Variants in PTP4A1 observed in about 807,000 individuals in gnomAD.
PTP4A1 encodes protein tyrosine phosphatase type IVA 1.
PTP4A1 carries 9 observed loss-of-function variants against 20.5 expected under a neutral mutation model. The observed-to-expected ratio is 0.44, with a 90% CI of 0.26 to 0.77. The LOEUF (loss-of-function observed/expected upper bound fraction) is 0.77, where lower values mean the gene tolerates loss of function less well. Ranked by LOEUF, PTP4A1 falls within the 30% of genes least tolerant of loss-of-function variation. PTP4A1 has a pLI of 0.19. For missense variants in PTP4A1, 137 were observed against 218.8 expected, an observed-to-expected ratio of 0.63 and a Z score of 2.36; for synonymous variants, 78 against 67.4, an observed-to-expected ratio of 1.16 and a Z score of -0.77.
chr6:63,572,545 G>T lies in PTP4A1; in HGVS notation c.-620G>T, dbSNP rs535635354. ...TCGGCTACGCGCTCTGCTCCGAGCC[G>T]CTCACTGCATGGTAGAGTCTGGTGC... On this transcript the variant is annotated 5_prime_UTR_variant, in exon 1 of 6. Transcript: ENST00000626021. The T allele has an allele frequency of 1.4e-3, 566 of 396,348 alleles. 4 individuals carry two copies. The Middle Eastern group carries it at 0.016, about 11-fold the overall frequency. The allele number at this position is 396,348 out of a possible 1,614,324, so 24.6% of individuals were successfully genotyped here.
intron 5 of PTP4A1, 113 bp downstream of exon 5, chr6:63,579,444 T>A: frequency 1.4e-6 from 1 of 714,468 alleles, no homozygotes; most frequent in Non-Finnish European, 2.1e-6. Flanking sequence ...TTTGAGATAG[T>A]ATTAAAACCA....
Position 63,580,144 on chromosome 6 carries a change from C to T in PTP4A1, c.492C>T (p.Asn164=), listed in dbSNP as rs141880918. Residue 164 remains asparagine (N), a synonymous_variant, in exon 6 of 6, where the codon AAC becomes AAT. Transcript: ENST00000626021. ...TGCGGCTGCGTTTCAAAGATTCCAA[C>T]GGTCATAGAAACAACTGTTGCATTC... ...PKMRLRFKDS[N]GHRNNCCIQ is the part of the protein sequence containing the mutation. 3.0e-5 allele frequency: 48 copies of T among 1,612,320 alleles called. No individual in the cohort carries two copies. Among genetic ancestry groups the T allele is most frequent in the Admixed American group, 1.7e-4 (10 of 59,948 alleles).
At chr6:63,531,421 A>G in intron 2 of PTP4A1, among the ~76,000 whole-genome samples, 1 of 152,038 alleles carries the variant, frequency 6.6e-6, no homozygotes, top group East Asian at 1.9e-4. Flanking sequence ...ACAAATTATA[A>G]TTTTTAATGC....
upstream of PTP4A1, among the ~76,000 whole-genome samples, chr6:63,517,473 A>C (rs1774769928): frequency 6.6e-6 from 1 of 152,234 alleles, no homozygotes; most frequent in South Asian, 2.1e-4. Context: ...GTATGCACAC[A>C]TGATGCCCCG....
chr6:63,580,294 C>A lies in PTP4A1; in HGVS notation c.*120C>A. ...AAGCTTCCATAGGAGTATTGAAAGGCAGTTTTACCAGGCCTCAAGCTAGAC... is the reference window on the plus strand; with the variant it reads ...AAGCTTCCATAGGAGTATTGAAAGGAAGTTTTACCAGGCCTCAAGCTAGAC... On this transcript the variant is annotated 3_prime_UTR_variant, in exon 6 of 6. Transcript: ENST00000626021. The A allele has an allele frequency of 1.3e-6, 1 of 778,414 alleles. No individual in the cohort carries two copies. 48.2% of individuals were successfully genotyped at this position (778,414 alleles called of 1,614,324 possible).
chr6:63,531,896 G>A (rs1348810238), intron 2 of PTP4A1, among the ~76,000 whole-genome samples: 1 of 151,734 alleles, frequency 6.6e-6, no homozygotes, highest in Admixed American at 6.6e-5. Flanking sequence ...TTGCCTCCCG[G>A]GTTCAAGCAA....
rs1413357202 is a variant in PTP4A1 at position 63,580,878 on chromosome 6, ATTAAT to A, written c.*710_*714del. The A allele has an allele frequency of 6.6e-6, 1 of 152,614 alleles. No individual in the cohort carries two copies. Among genetic ancestry groups the A allele is most frequent in the Admixed American group, 6.5e-5 (1 of 15,268 alleles). The allele number at this position is 152,614 out of a possible 1,614,324, so 9.5% of individuals were successfully genotyped here. On this transcript the variant is annotated 3_prime_UTR_variant, in exon 6 of 6. Coordinates refer to ENST00000626021, the MANE Select transcript of PTP4A1 (RefSeq NM_003463.5). ...ATGTCTTCAGACAAAAAAGCCTTAC[ATTAAT>A]TTAATGTTTGCACTCTGAGGTGCAA...
chr6:63,577,162 G>A (rs1229831759), intron 2 of PTP4A1, among the ~76,000 whole-genome samples, 177 bp downstream of exon 2: 1 of 152,190 alleles, frequency 6.6e-6, no homozygotes, highest in African/African-American at 2.4e-5. Flanking sequence ...ATTTTGAGAA[G>A]GGCATGTGCT....
intron 2 of PTP4A1, among the ~76,000 whole-genome samples, chr6:63,539,484 T>C (rs970109280): frequency 6.6e-6 from 1 of 151,906 alleles, no homozygotes; most frequent in African/African-American, 2.4e-5. Flanking sequence ...TAAAAGAAAA[T>C]AGGCAAAGGA....
rs72880871 is a variant in PTP4A1 at position 63,528,404 on chromosome 6, T to C, written c.-640+320T>C. ...TGAGCCCAGCAATTAGAAATCAGCC[T>C]GGGAGACACAGTGAATCTCTGTCTT... On this transcript the variant is annotated intron_variant, in intron 2 of 3. Coordinates refer to the PTP4A1 transcript ENST00000639568. 9.6e-3 allele frequency among the ~76,000 whole-genome samples: 1,435 copies of C among 149,492 alleles called. 16 individuals are homozygous for C. The highest frequency in any genetic ancestry group is 0.025 in the African/African-American group (1,038 of 40,772).
At chr6:63,520,407 A>C (rs1441572927), upstream of PTP4A1, among the ~76,000 whole-genome samples, 1 of 152,126 alleles carries the variant, frequency 6.6e-6, no homozygotes, top group Non-Finnish European at 1.5e-5. Flanking sequence ...CGGGCGGATC[A>C]CTTGAGGCCA....
At chr6:63,521,864 C>T (rs1774937657) in intron 1 of PTP4A1, 1 of 152,270 alleles carries the variant, frequency 6.6e-6, no homozygotes, top group Admixed American at 6.5e-5. Context: ...TTTTATGGAA[C>T]ACCTAGGGAC....
chr6:63,539,308 T>C (rs66500769), intron 2 of PTP4A1, among the ~76,000 whole-genome samples: 13,197 of 152,234 alleles, frequency 0.087, 611 homozygotes, highest in East Asian at 0.16. Context: ...GTATACTTGA[T>C]CTACCACCTA....
chr6:63,525,540 C>T (rs1489966634), intron 1 of PTP4A1, among the ~76,000 whole-genome samples: 1 of 152,212 alleles, frequency 6.6e-6, no homozygotes, highest in African/African-American at 2.4e-5. Flanking sequence ...TCATGCCACT[C>T]TCTCAGAGCA....
chr6:63,526,833 ATATTTATT>A (rs1287951488), intron 1 of PTP4A1, among the ~76,000 whole-genome samples: 20 of 128,000 alleles, frequency 1.6e-4, no homozygotes, highest in Middle Eastern at 4.0e-3. Flanking sequence ...ATATATATAT[ATATTTATT>A]TATTTATTCT....
At chr6:63,569,577 A>C (rs1204033770), upstream of PTP4A1, among the ~76,000 whole-genome samples, 2 of 152,178 alleles carry the variant, frequency 1.3e-5, no homozygotes, top group Non-Finnish European at 2.9e-5. Context: ...CAACTTCCTT[A>C]TAATATTCTT....
rs149536806 is a variant in PTP4A1 at position 63,554,550 on chromosome 6, C to A, written c.-446+4057C>A. On this transcript the variant is annotated intron_variant, in intron 3 of 3. Transcript: ENST00000639568. ...CGGTGGCTCACACCTGTAATCCCAG[C>A]ACTTTGGGAGGCCAAGGTGGGTAGA... Among the ~76,000 whole-genome samples the A allele has an allele frequency of 8.5e-5, 13 of 152,250 alleles. No homozygotes were observed. In the East Asian group the frequency reaches 1.9e-3, roughly 23 times the overall value.
intron 2 of PTP4A1, chr6:63,548,669 T>G: frequency 2.2e-6 from 1 of 451,060 alleles, no homozygotes; most frequent in Non-Finnish European, 4.0e-6. Flanking sequence ...TTGTTCTATT[T>G]TAATTATTTT....
At position 63,543,072 on chromosome 6, in the gene PTP4A1, A is replaced by C. The variant is rs183878201; in HGVS notation, c.-639-7228A>C. On this transcript the variant is annotated intron_variant, in intron 2 of 3. Transcript: ENST00000639568. The stretch of plus-strand genomic sequence containing the variant: ...CAATCTTTTTTCAACTATATCCCCC[A>C]CTGCACCTTCTCCTGGCTGGATTAT... Among the ~76,000 whole-genome samples the C allele has an allele frequency of 7.7e-3, 1,172 of 152,222 alleles. 6 individuals are homozygous for C. Among genetic ancestry groups the C allele is most frequent in the Non-Finnish European group, 0.011 (746 of 68,008 alleles).
Sources: allele counts gnomAD v4.1 joint callset (sites outside exome capture counted in the v4.1 genomes callset), GRCh38; gene constraint gnomAD v4.1.1; transcripts MANE v1.5; gene names NCBI Gene and HGNC (gene_info 2026-07-23, HGNC 2026-07-21).